The following CSMD1 variants were observed in gnomAD, a reference collection of about 807,000 sequenced individuals.
The protein encoded by CSMD1 is CUB and sushi domain-containing protein 1.
In CSMD1, 213 loss-of-function variants were observed where a neutral mutation model predicts 417.5. The observed-to-expected ratio is 0.51, with a 90% CI of 0.46 to 0.57. The LOEUF is 0.57. Ranked by LOEUF, CSMD1 falls within the 20% of genes least tolerant of loss-of-function variation. The pLI, the probability that CSMD1 is intolerant of heterozygous loss-of-function variation, is 0.00. For missense variants in CSMD1, 6,923 were observed against 4,529.7 expected (o/e 1.53, Z -15.17); for synonymous variants, 2,862 against 1,736.8 (o/e 1.65, Z -16.11).
At chr8:4,823,399 T>A (rs559508591) in intron 1 of CSMD1, among the ~76,000 whole-genome samples, 2 of 152,214 alleles carry the variant, frequency 1.3e-5, no homozygotes, top group East Asian at 3.9e-4. Flanking sequence ...AAGTAGTTCA[T>A]TAACTTTTCT....
At chr8:4,667,890 T>G (rs1805039386) in intron 1 of CSMD1, among the ~76,000 whole-genome samples, 1 of 152,216 alleles carries the variant, frequency 6.6e-6, no homozygotes, top group South Asian at 2.1e-4. Context: ...CTAATGGAAT[T>G]GAATAGCAGT....
intron 2 of CSMD1, among the ~76,000 whole-genome samples, chr8:4,440,718 G>A (rs1270585861): frequency 2.6e-5 from 4 of 152,072 alleles, no homozygotes; most frequent in South Asian, 2.1e-4. Context: ...AATTCTGGCC[G>A]GGTGTGGTGG....
At chr8:4,988,545 C>A (rs1034037832) in intron 1 of CSMD1, among the ~76,000 whole-genome samples, 2 of 152,190 alleles carry the variant, frequency 1.3e-5, no homozygotes, top group Non-Finnish European at 2.9e-5. Context: ...CTGACTCTAA[C>A]TGAAGTTAAT....
At position 3,772,372 on chromosome 8, in the gene CSMD1, C is replaced by A. The variant is rs1218751600; in HGVS notation, c.819-18330G>T. ...ACATATATTTATATATACATATATA[C>A]ATATATTCATATATTTATATATACA... On this transcript the variant is annotated intron_variant, in intron 5 of 69. Coordinates refer to ENST00000635120, the MANE Select transcript of CSMD1 (RefSeq NM_033225.6). Among the ~76,000 whole-genome samples the A allele has an allele frequency of 4.3e-4, 58 of 135,324 alleles. 1 individual carries two copies. The highest frequency in any genetic ancestry group is 1.6e-3 in the African/African-American group (52 of 33,228). The allele number at this position is 135,324 out of a possible 152,430, so 88.8% of individuals were successfully genotyped here.
At chr8:4,991,703 C>T (rs953802841) in intron 1 of CSMD1, among the ~76,000 whole-genome samples, 4 of 152,102 alleles carry the variant, frequency 2.6e-5, no homozygotes, top group Admixed American at 6.5e-5. Context: ...CGGGGGGAGG[C>T]CCGACCTTGG....
intron 51 of CSMD1, among the ~76,000 whole-genome samples, chr8:3,020,276 C>G (rs539768868): frequency 7.5e-4 from 114 of 152,306 alleles, no homozygotes; most frequent in Non-Finnish European, 1.4e-3. Flanking sequence ...AAATCAGGAC[C>G]TATTTAGTCA....
intron 26 of CSMD1, among the ~76,000 whole-genome samples, chr8:3,249,593 T>C (rs1800123035): frequency 6.6e-6 from 1 of 150,522 alleles, no homozygotes; most frequent in Non-Finnish European, 1.5e-5. Flanking sequence ...TTTACAATCG[T>C]ATAAATACAC....
At chr8:3,596,672 A>G (rs1344950952) in intron 8 of CSMD1, among the ~76,000 whole-genome samples, 2 of 152,112 alleles carry the variant, frequency 1.3e-5, no homozygotes, top group Non-Finnish European at 2.9e-5. Context: ...GTTGTTTGTA[A>G]TTGACCAGCA....
chr8:3,345,961 A>G (rs918495059), intron 22 of CSMD1, among the ~76,000 whole-genome samples: 1 of 152,238 alleles, frequency 6.6e-6, no homozygotes, highest in Non-Finnish European at 1.5e-5. Context: ...GAAGCAAGAA[A>G]ACATCATGTT....
chr8:4,029,669 T>C (rs918230631), intron 4 of CSMD1, among the ~76,000 whole-genome samples: 1 of 152,068 alleles, frequency 6.6e-6, no homozygotes, highest in Non-Finnish European at 1.5e-5. Context: ...CCCACCCAAA[T>C]CTCATGTCCT....
intron 3 of CSMD1, among the ~76,000 whole-genome samples, chr8:4,414,936 T>A (rs1050146430): frequency 1.3e-5 from 2 of 152,156 alleles, no homozygotes; most frequent in Non-Finnish European, 2.9e-5. Context: ...CCATGTTCTG[T>A]CTTCTCCCTG....
At chr8:4,366,101 A>T (rs1370727) in intron 3 of CSMD1, among the ~76,000 whole-genome samples, 1 of 151,736 alleles carries the variant, frequency 6.6e-6, no homozygotes, top group Non-Finnish European at 1.5e-5. Flanking sequence ...CTCAGGTAGT[A>T]CCCGGCACCT....
rs1384989230 is a variant in CSMD1 at position 3,289,885 on chromosome 8, A to G, written c.3951-5539T>C. On this transcript the variant is annotated intron_variant, in intron 25 of 69. Coordinates refer to ENST00000635120, the MANE Select transcript of CSMD1 (RefSeq NM_033225.6). ...GTTGCCATTGCTTTTGGCATTTTAG[A>G]CATGAAGTCCTTACCCATGCCTGTG... Among the ~76,000 whole-genome samples, 6 of 147,350 alleles carry G rather than the reference A, an allele frequency of 4.1e-5. 1 individual carries two copies. The highest frequency in any genetic ancestry group is 1.3e-4 in the African/African-American group (5 of 37,126).
chr8:3,628,769 C>A (rs1480643019), intron 7 of CSMD1, among the ~76,000 whole-genome samples: 3 of 152,118 alleles, frequency 2.0e-5, no homozygotes, highest in Non-Finnish European at 4.4e-5. Context: ...GCGCCTACAG[C>A]CAAATTATTA....
intron 3 of CSMD1, among the ~76,000 whole-genome samples, chr8:4,336,351 A>C (rs899190541): frequency 6.6e-6 from 1 of 152,130 alleles, no homozygotes; most frequent in Non-Finnish European, 1.5e-5. Context: ...GCAGGGAGCA[A>C]CTGGGTCATT....
intron 2 of CSMD1, among the ~76,000 whole-genome samples, chr8:4,547,897 A>T (rs1192441471): frequency 6.6e-6 from 1 of 152,204 alleles, no homozygotes; most frequent in South Asian, 2.1e-4. Context: ...GCAATAATTC[A>T]GCCATGACAA....
intron 5 of CSMD1, among the ~76,000 whole-genome samples, chr8:3,852,906 A>G (rs1804015155): frequency 6.6e-6 from 1 of 152,162 alleles, no homozygotes; most frequent in Non-Finnish European, 1.5e-5. Flanking sequence ...TCATTTTAAA[A>G]TATTTTATCT....
intron 7 of CSMD1, among the ~76,000 whole-genome samples, chr8:3,698,930 T>C (rs1800702225): frequency 6.6e-6 from 1 of 152,216 alleles, no homozygotes; most frequent in African/African-American, 2.4e-5. Flanking sequence ...TTCCATTCTG[T>C]GGTATCCTGT....
At chr8:4,367,641 T>A (rs1192103696) in intron 3 of CSMD1, among the ~76,000 whole-genome samples, 1 of 152,136 alleles carries the variant, frequency 6.6e-6, no homozygotes, top group Admixed American at 6.5e-5. Context: ...AATCTGTAAA[T>A]TGCTTTGGGT....
Sources: gnomAD v4.1 joint callset for allele counts (sites outside exome capture counted in the v4.1 genomes callset) on GRCh38, gnomAD v4.1.1 for gene constraint, MANE v1.5 for transcripts, NCBI Gene and HGNC (gene_info 2026-07-23, HGNC 2026-07-21) for gene names.